Variants in MAP4K4 observed in about 807,000 individuals in gnomAD.
MAP4K4 encodes HPK/GCK-like kinase HGK.
In MAP4K4, 38 loss-of-function variants were observed where a neutral mutation model predicts 189.6. That is an observed-to-expected ratio of 0.20 (90% CI 0.15 to 0.26). The LOEUF (loss-of-function observed/expected upper bound fraction) is 0.26. Among genes scored for constraint, MAP4K4 ranks in the 10% least tolerant of loss-of-function variants. MAP4K4 has a pLI of 1.00. For missense variants in MAP4K4, 1,054 were observed against 1,726.9 expected (o/e 0.61, Z 6.91); for synonymous variants, 610 against 624.3 (o/e 0.98, Z 0.34).
intron 2 of MAP4K4, among the ~76,000 whole-genome samples, chr2:101,776,071 T>C (rs2083931996): frequency 6.6e-6 from 1 of 152,230 alleles, no homozygotes; most frequent in South Asian, 2.1e-4. Context: ...GTGGTCCATA[T>C]AGACTGGAGC....
intron 2 of MAP4K4, among the ~76,000 whole-genome samples, chr2:101,766,772 G>T (rs1364786042): frequency 6.6e-6 from 1 of 152,126 alleles, no homozygotes; most frequent in Admixed American, 6.5e-5. Flanking sequence ...ATAGGTTGAG[G>T]TACCTTCTTT....
At chr2:101,800,506 G>C (rs1398457747) in intron 3 of MAP4K4, among the ~76,000 whole-genome samples, 2 of 152,184 alleles carry the variant, frequency 1.3e-5, no homozygotes, top group Non-Finnish European at 2.9e-5. Context: ...TAATATTTAT[G>C]TGCTACTATA....
At chr2:101,748,375 A>G (rs1477899877) in intron 2 of MAP4K4, among the ~76,000 whole-genome samples, 3 of 152,188 alleles carry the variant, frequency 2.0e-5, no homozygotes, top group African/African-American at 7.2e-5. Context: ...AAACAAAACA[A>G]CAGCTTCTAC....
chr2:101,793,420 C>T (rs1482387553), intron 3 of MAP4K4, among the ~76,000 whole-genome samples: 1 of 152,244 alleles, frequency 6.6e-6, no homozygotes. Flanking sequence ...TCCTCTTGTG[C>T]AGTTGTAGGC....
intron 20 of MAP4K4, chr2:101,867,727 T>C: frequency 2.3e-6 from 1 of 434,006 alleles, no homozygotes; most frequent in Non-Finnish European, 4.1e-6. Context: ...CAATACTGGC[T>C]TTTAGACTAA....
intron 2 of MAP4K4, among the ~76,000 whole-genome samples, chr2:101,727,197 C>T (rs1177836629): frequency 6.6e-6 from 1 of 152,186 alleles, no homozygotes; most frequent in Non-Finnish European, 1.5e-5. Context: ...CCTCTCATAG[C>T]TTTCTGATGA....
At chr2:101,698,325 C>G (rs1489062438) in intron 1 of MAP4K4, 148 bp from the exon 2 acceptor site, 1 of 799,272 alleles carries the variant, frequency 1.3e-6, no homozygotes, top group African/African-American at 1.8e-5. Flanking sequence ...ACGCCCCGAG[C>G]CCGCCGCGCG....
intron 32 of MAP4K4, 132 bp from the exon 33 acceptor site, chr2:101,891,033 CT>C (rs1646558318): frequency 1.4e-6 from 1 of 697,184 alleles, no homozygotes; most frequent in Middle Eastern, 4.0e-4. Context: ...CTCAGAGTTT[CT>C]TTTGAAAAGG....
intron 15 of MAP4K4, chr2:101,860,586 AAGG>A (rs937475485): frequency 2.4e-6 from 1 of 420,368 alleles, no homozygotes; most frequent in Non-Finnish European, 4.2e-6. Context: ...AATTCTGAGC[AAGG>A]AGGAGAGCTT....
Position 101,844,596 on chromosome 2 carries a change from A to G in MAP4K4, c.1233+285A>G, listed in dbSNP as rs562844275. Reference sequence around the variant, plus strand: ...TAGATGCAGAGCAAGTGTCCCAAAGATGGCATCAGACCAGTTTTGTGAAGT... The same window carrying G: ...TAGATGCAGAGCAAGTGTCCCAAAGGTGGCATCAGACCAGTTTTGTGAAGT... On this transcript the variant is annotated intron_variant, in intron 12 of 32. Transcript: ENST00000324219. Among the ~76,000 whole-genome samples, 13 of 152,358 alleles carry G rather than the reference A, an allele frequency of 8.5e-5. No individual in the cohort carries two copies. The South Asian group carries it at 2.7e-3, about 32-fold the overall frequency.
intron 7 of MAP4K4, among the ~76,000 whole-genome samples, chr2:101,833,445 C>T (rs536471636): frequency 6.6e-6 from 1 of 151,932 alleles, no homozygotes; most frequent in East Asian, 1.9e-4. Flanking sequence ...CCGGTGAAAC[C>T]CCATCTTTAC....
chr2:101,753,972 A>G lies in MAP4K4; in HGVS notation c.124-36748A>G, dbSNP rs140467804. On this transcript the variant is annotated intron_variant, in intron 2 of 32. Coordinates refer to ENST00000324219, the Ensembl canonical transcript of MAP4K4. Reference sequence around the variant, plus strand: ...ACAGCTAGCGCCTGGGGTCTTTATTATTAGTAGTGGCTATTTCCAGTTAAA... The same window carrying G: ...ACAGCTAGCGCCTGGGGTCTTTATTGTTAGTAGTGGCTATTTCCAGTTAAA... Among the ~76,000 whole-genome samples, 60 of 152,270 alleles carry G rather than the reference A, an allele frequency of 3.9e-4. 1 individual carries two copies. The East Asian group carries it at 0.011, about 27-fold the overall frequency.
At chr2:101,715,953 CTG>C (rs2048138464) in intron 2 of MAP4K4, among the ~76,000 whole-genome samples, 3 of 152,280 alleles carry the variant, frequency 2.0e-5, no homozygotes, top group Middle Eastern at 3.4e-3. Flanking sequence ...CCATTGTGAA[CTG>C]TGCATATGAA....
rs2096956878 is a variant in MAP4K4, at chr2:101,842,670, A to T, written c.1011A>T (p.Glu337Asp). ...AAGAGGAGGAAGTGCCTGAACAGGA[A>T]GGAGAGCCAAGGTAACCACAAAGCC... Residue 337 changes from glutamate to aspartate, a missense_variant, in exon 11 of 33, where the codon GAA (glutamate) becomes GAT (aspartate). By Grantham distance (45) the Glu-to-Asp change is conservative. Transcript: ENST00000324219. 1 of 1,607,060 alleles carries T rather than the reference A, an allele frequency of 6.2e-7. No homozygotes were observed. The highest frequency in any genetic ancestry group is 1.3e-5 in the African/African-American group (1 of 74,844).
chr2:101,874,323 C>A, intron 26 of MAP4K4, 71 bp downstream of exon 26: 1 of 1,379,892 alleles, frequency 7.2e-7, no homozygotes, highest in Non-Finnish European at 1.0e-6. Context: ...TAGAGAAGTA[C>A]TGCATTGAAT....
At chr2:101,721,559 C>T (rs1048641377) in intron 2 of MAP4K4, among the ~76,000 whole-genome samples, 1 of 151,946 alleles carries the variant, frequency 6.6e-6, no homozygotes, top group Non-Finnish European at 1.5e-5. Context: ...CCTCGGCTTC[C>T]TGAGTAGCTG....
At chr2:101,763,845 C>T (rs1043854970) in intron 2 of MAP4K4, among the ~76,000 whole-genome samples, 2 of 152,108 alleles carry the variant, frequency 1.3e-5, no homozygotes, top group African/African-American at 4.8e-5. Context: ...AAAAAGCTCT[C>T]TCCAGGTGCA....
At chr2:101,809,687 G>T (rs560380163) in intron 3 of MAP4K4, among the ~76,000 whole-genome samples, 42 of 152,114 alleles carry the variant, frequency 2.8e-4, no homozygotes, top group Non-Finnish European at 5.4e-4. Context: ...AAGTGGTTCA[G>T]CCCCAGTACT....
At chr2:101,845,287 A>C (rs1292948621) in intron 12 of MAP4K4, among the ~76,000 whole-genome samples, 1 of 152,224 alleles carries the variant, frequency 6.6e-6, no homozygotes, top group Admixed American at 6.5e-5. Flanking sequence ...AGTACATTTT[A>C]CACCACCTGC....
Sources: allele counts gnomAD v4.1 joint callset (sites outside exome capture counted in the v4.1 genomes callset), GRCh38; gene constraint gnomAD v4.1.1; transcripts MANE v1.5; gene names NCBI Gene and HGNC (gene_info 2026-07-23, HGNC 2026-07-21).